The following COP1 variants were observed in gnomAD, a reference collection of about 807,000 sequenced individuals.
COP1 encodes the protein E3 ubiquitin-protein ligase COP1.
In COP1, 24 loss-of-function variants were observed where a neutral mutation model predicts 101.3. The ratio of observed to expected loss-of-function variants is 0.24; its 90% confidence interval spans 0.17 to 0.33. COP1 has a LOEUF of 0.33. Ranked by LOEUF, COP1 falls within the 10% of genes least tolerant of loss-of-function variation. The probability of loss-of-function intolerance (pLI) is 1.00; values close to 1 mark genes in which losing one functional copy is unlikely to be tolerated. For missense variants in COP1, 663 were observed against 906.2 expected (o/e 0.73, Z 3.45); for synonymous variants, 347 against 341.9 (o/e 1.01, Z -0.17).
chr1:176,081,007 GGA>G, intron 11 of COP1, 143 bp downstream of exon 11: 1 of 693,764 alleles, frequency 1.4e-6, no homozygotes, highest in Non-Finnish European at 2.4e-6. Flanking sequence ...TAGAAGCTCA[GGA>G]ACTTGCCTAA....
At chr1:175,952,292 G>C (rs1650040395) in intron 18 of COP1, among the ~76,000 whole-genome samples, 1 of 151,896 alleles carries the variant, frequency 6.6e-6, no homozygotes, top group Non-Finnish European at 1.5e-5. Flanking sequence ...CGTGGTGGCA[G>C]GAGCCTGTAA....
chr1:175,998,678 T>C (rs1660881119), intron 15 of COP1, among the ~76,000 whole-genome samples: 1 of 152,078 alleles, frequency 6.6e-6, no homozygotes, highest in Non-Finnish European at 1.5e-5. Context: ...AGATAGTTCA[T>C]AATGTACAAT....
rs1239126571 is a variant in COP1 at position 176,043,246 on chromosome 1, T to C, written c.1552A>G (p.Ser518Gly). The C allele has an allele frequency of 6.2e-7, 1 of 1,610,798 alleles. No homozygotes were observed. The highest frequency in any genetic ancestry group is 8.5e-7 in the Non-Finnish European group (1 of 1,177,612). Residue 518 changes from serine to glycine, a missense_variant, in exon 14 of 20, where the codon AGT (serine) becomes GGT (glycine). Transcript: ENST00000367669. ...GGATCCATCAAATTAAAGTCAACAC[T>C]CCAACACCTCTTCTCATGCTCCTGG... ...VYQEHEKRCWSVDFNLMDPKL... is the reference protein window; with the variant it reads ...VYQEHEKRCWGVDFNLMDPKL...
intron 11 of COP1, among the ~76,000 whole-genome samples, chr1:176,068,316 T>C (rs1220881981): frequency 2.6e-5 from 4 of 152,134 alleles, no homozygotes; most frequent in African/African-American, 9.7e-5. Context: ...AAAGTGTGGT[T>C]GCAGACCAGC....
chr1:176,083,291 A>C (rs1679528098), intron 10 of COP1, among the ~76,000 whole-genome samples: 1 of 152,116 alleles, frequency 6.6e-6, no homozygotes, highest in Admixed American at 6.5e-5. Flanking sequence ...AGTACATAAA[A>C]CTCACAAGCA....
At chr1:176,001,804 C>T (rs1661673019) in intron 15 of COP1, among the ~76,000 whole-genome samples, 2 of 152,038 alleles carry the variant, frequency 1.3e-5, no homozygotes, top group Admixed American at 1.3e-4. Flanking sequence ...AGAACTCACT[C>T]GGTTTATCTG....
intron 9 of COP1, among the ~76,000 whole-genome samples, chr1:176,108,218 A>T (rs1572277400): frequency 6.6e-6 from 1 of 152,326 alleles, no homozygotes; most frequent in East Asian, 1.9e-4. Flanking sequence ...TCAGAAATAT[A>T]ACTCTATAAA....
At chr1:176,204,919 C>T (rs1393254052) in intron 1 of COP1, among the ~76,000 whole-genome samples, 1 of 152,194 alleles carries the variant, frequency 6.6e-6, no homozygotes, top group East Asian at 1.9e-4. Context: ...CAGAGCAAGA[C>T]TCCGTCTCAA....
chr1:176,206,666 T>C lies in COP1; in HGVS notation c.313A>G (p.Ser105Gly). 6.2e-7 allele frequency: 1 copy of C among 1,610,630 alleles called. No individual in the cohort carries two copies. The highest frequency in any genetic ancestry group is 8.5e-7 in the Non-Finnish European group (1 of 1,179,902). Residue 105 changes from serine (S) to glycine (G), a missense_variant, in exon 1 of 20, where the codon AGC becomes GGC. By Grantham distance (56) the Ser-to-Gly change is moderately conservative. Around this residue, in one of 4 missense-constraint regions of COP1, gnomAD observed 204 missense variants for 203.6 expected, o/e 1.00. Transcript: ENST00000367669. ...CGCTTCCTGCTGCCGCTGCCTAGGCTGGAGCTGCTGCCTCCTACGCCGGCG... is the reference window on the plus strand; with the variant it reads ...CGCTTCCTGCTGCCGCTGCCTAGGCCGGAGCTGCTGCCTCCTACGCCGGCG... Reference protein sequence around the residue: ...PSAGVGGSSSSLGSGSRKRPL... With the variant: ...PSAGVGGSSSGLGSGSRKRPL...
chr1:175,997,384 CAA>C (rs1315406637), intron 15 of COP1, among the ~76,000 whole-genome samples: 5 of 151,812 alleles, frequency 3.3e-5, no homozygotes, highest in East Asian at 3.9e-4. Context: ...CAACAAAAGC[CAA>C]AATTGACAAA....
intron 15 of COP1, among the ~76,000 whole-genome samples, chr1:175,989,784 A>G (rs1256531685): frequency 6.6e-6 from 1 of 152,172 alleles, no homozygotes; most frequent in Admixed American, 6.5e-5. Context: ...CTTATTTCCC[A>G]TATTTGTTTT....
At chr1:175,946,164 C>T (rs1287312102) in intron 19 of COP1, among the ~76,000 whole-genome samples, 1 of 152,128 alleles carries the variant, frequency 6.6e-6, no homozygotes, top group Non-Finnish European at 1.5e-5. Context: ...TACCATCTTG[C>T]TTGAGGCTTC....
chr1:175,948,326 T>C (rs1649439634), intron 18 of COP1, among the ~76,000 whole-genome samples: 1 of 152,170 alleles, frequency 6.6e-6, no homozygotes, highest in African/African-American at 2.4e-5. Flanking sequence ...TTGCTTTCCA[T>C]GGTAGGCAGC....
chr1:176,152,186 G>A (rs1316132335), intron 5 of COP1, among the ~76,000 whole-genome samples: 2 of 151,928 alleles, frequency 1.3e-5, no homozygotes, highest in Non-Finnish European at 2.9e-5. Context: ...AGCTACTTGG[G>A]AAGCTCAAGG....
chr1:176,081,214 T>C lies in COP1; in HGVS notation c.1215A>G (p.Val405=), dbSNP rs200274554. 10 of 1,611,596 alleles carry C rather than the reference T, an allele frequency of 6.2e-6. No individual in the cohort carries two copies. The South Asian group carries it at 1.1e-4, about 18-fold the overall frequency. ...CATATGACAATGTGGCTAAAGGTCGTACTGAATTATATCGAGTAAACTTGG... is the reference window on the plus strand; with the variant it reads ...CATATGACAATGTGGCTAAAGGTCGCACTGAATTATATCGAGTAAACTTGG... ...CLSKFTRYNS[V]RPLATLSYAS... The change falls in exon 11 of 20, where the codon GTA becomes GTG. Residue 405 remains valine, a synonymous_variant. Transcript: ENST00000367669.
In COP1 at chr1:176,006,600, G is replaced by A. The variant is rs1410354334; in HGVS notation, c.1730-17121C>T. ...CTGTAAAGTATTTTATTTCTCCTTTGCTTACGAAGCTTAGTTTGGCTTGAT... is the reference window on the plus strand; with the variant it reads ...CTGTAAAGTATTTTATTTCTCCTTTACTTACGAAGCTTAGTTTGGCTTGAT... On this transcript the variant is annotated intron_variant, in intron 15 of 19. Transcript: ENST00000367669. Among the ~76,000 whole-genome samples, 15 of 152,116 alleles carry A rather than the reference G, an allele frequency of 9.9e-5. No homozygotes were observed. The South Asian group carries it at 2.7e-3, about 27-fold the overall frequency.
intron 15 of COP1, among the ~76,000 whole-genome samples, chr1:176,026,524 T>C (rs1667696036): frequency 6.6e-6 from 1 of 151,972 alleles, no homozygotes; most frequent in Non-Finnish European, 1.5e-5. Context: ...AAGACAGAAG[T>C]AGGATCAAAT....
chr1:176,065,832 T>C (rs575011228), intron 11 of COP1, among the ~76,000 whole-genome samples: 1 of 151,494 alleles, frequency 6.6e-6, no homozygotes, highest in East Asian at 2.0e-4. Flanking sequence ...CTGAGCCTCC[T>C]GAGTAGCTGG....
chr1:176,141,363 T>C (rs1490355912), intron 6 of COP1, among the ~76,000 whole-genome samples: 1 of 152,042 alleles, frequency 6.6e-6, no homozygotes, highest in African/African-American at 2.4e-5. Flanking sequence ...TAGCCAGGCG[T>C]GGTGGTAGGC....
Sources: gnomAD v4.1 joint callset for allele counts (sites outside exome capture counted in the v4.1 genomes callset) on GRCh38, gnomAD v4.1.1 for gene constraint, gnomAD v4.1.1 regional missense constraint, MANE v1.5 for transcripts, NCBI Gene and HGNC (gene_info 2026-07-23, HGNC 2026-07-21) for gene names.